LAMP1: variants seen among roughly 807,000 people sequenced by gnomAD.
LAMP1 encodes lysosome associated membrane protein 1.
A neutral mutation model predicts 37.5 loss-of-function variants in LAMP1; 7 were observed. The ratio of observed to expected loss-of-function variants is 0.19; its 90% confidence interval spans 0.11 to 0.35. The LOEUF (loss-of-function observed/expected upper bound fraction) is 0.35, where lower values mean the gene tolerates loss of function less well. LAMP1 is among the 10% of genes least tolerant of loss of function. The pLI is 1.00. For synonymous variants in LAMP1, 236 were observed against 229.1 expected (o/e 1.03, Z -0.27); for missense variants, 537 against 552.8 (o/e 0.97, Z 0.29).
At position 113,320,331 on chromosome 13, in the gene LAMP1, C is replaced by T. The variant is rs756638716; in HGVS notation, c.751-14C>T. 1.9e-6 allele frequency: 3 copies of T among 1,614,078 alleles called. No homozygotes were observed. The highest frequency in any genetic ancestry group is 2.2e-5 in the East Asian group (1 of 44,884). On this transcript the variant is annotated splice_polypyrimidine_tract_variant and intron_variant, in intron 5 of 8. Transcript: ENST00000332556. This position sits in a 1 kb window ranked among gnomAD's most constrained non-coding sequence, Gnocchi z 4.4. ...CTGAGCTAGGGTGGTGACTTGCTTG[C>T]TTGTCTTATGCAGACGGTGACAAGG...
chr13:113,311,757 A>G (rs938429579), intron 4 of LAMP1, among the ~76,000 whole-genome samples: 7 of 152,192 alleles, frequency 4.6e-5, no homozygotes, highest in South Asian at 2.1e-4. Context: ...CCTGTCTTCA[A>G]AGGTTGTTGG....
Position 113,322,704 on chromosome 13 carries a change from GCCGC to G in LAMP1, c.*284_*287del, listed in dbSNP as rs2042709832. On this transcript the variant is annotated 3_prime_UTR_variant, in exon 9 of 9. Transcript: ENST00000332556. ...GTGCTCTCTCTGAGGGGGTGGGGGT[GCCGC>G]TGTCTCTGAGGGGTGGGGGTGCCGC... 8.3e-6 allele frequency: 1 copy of G among 119,906 alleles called. No homozygotes were observed. The highest frequency in any genetic ancestry group is 3.5e-5 in the African/African-American group (1 of 28,800). The allele number at this position is 119,906 out of a possible 1,614,324, so 7.4% of individuals were successfully genotyped here.
At chr13:113,306,204 G>A (rs2042597388) in intron 1 of LAMP1, 2 of 245,248 alleles carry the variant, frequency 8.2e-6, no homozygotes. Flanking sequence ...ACTAAAAACA[G>A]AAATTAGCTG....
chr13:113,320,938 A>G lies in LAMP1; in HGVS notation c.877-466A>G, dbSNP rs2042695565. Reference sequence around the variant, plus strand: ...TTTCCTGTGCTGTGATAGCTCCTGCAGTCCCCGTTTTCCAGAGACTGACTC... The same window carrying G: ...TTTCCTGTGCTGTGATAGCTCCTGCGGTCCCCGTTTTCCAGAGACTGACTC... On this transcript the variant is annotated intron_variant, in intron 6 of 8. Transcript: ENST00000332556. The surrounding 1 kb of genome is among the most constrained non-coding windows in gnomAD (Gnocchi z 4.4). 4.5e-6 allele frequency: 1 copy of G among 222,612 alleles called. No homozygotes were observed. Among genetic ancestry groups the G allele is most frequent in the Admixed American group, 5.2e-5 (1 of 19,200 alleles). 13.8% of individuals were successfully genotyped at this position (222,612 alleles called of 1,614,324 possible). A position where few individuals can be genotyped will look rare whatever the true frequency, so the allele number is the denominator to read the frequency against.
At chr13:113,313,672 G>T (rs962481953) in intron 4 of LAMP1, among the ~76,000 whole-genome samples, 3 of 142,814 alleles carry the variant, frequency 2.1e-5, no homozygotes, top group African/African-American at 8.2e-5. Context: ...GGAGATGCCC[G>T]TGTGCCTGGG....
intron 1 of LAMP1, among the ~76,000 whole-genome samples, chr13:113,301,640 AAAAAAT>A (rs2042573260): frequency 1.3e-5 from 1 of 75,102 alleles, no homozygotes; most frequent in African/African-American, 8.3e-5. Flanking sequence ...AAAAAAAAAA[AAAAAAT>A]ATATATATAT....
intron 5 of LAMP1, 96 bp downstream of exon 5, chr13:113,319,752 G>A (rs752826527): frequency 7.4e-6 from 9 of 1,208,236 alleles, no homozygotes; most frequent in Non-Finnish European, 1.1e-5. Context: ...TGCACGTCAT[G>A]CTGTTAAGTC....
rs2042627013 is a variant in LAMP1 at position 113,310,826 on chromosome 13, C to T, written c.521C>T (p.Thr174Ile). 1.2e-6 allele frequency: 2 copies of T among 1,613,834 alleles called. No individual in the cohort carries two copies. The highest frequency in any genetic ancestry group is 1.1e-5 in the South Asian group (1 of 91,046). The change falls in exon 4 of 9, where the codon ACC becomes ATC. Residue 174 changes from threonine to isoleucine, a missense_variant. Coordinates refer to ENST00000332556, the MANE Select transcript of LAMP1 (RefSeq NM_005561.4). ...NNVTVTLHDA[T>I]IQAYLSNSSF... Reference sequence around the variant, plus strand: ...GTGACCGTAACGCTCCATGATGCCACCATCCAGGCGTACCTTTCCAACAGC... The same window carrying T: ...GTGACCGTAACGCTCCATGATGCCATCATCCAGGCGTACCTTTCCAACAGC...
chr13:113,300,799 G>A (rs1291273587), intron 1 of LAMP1, among the ~76,000 whole-genome samples: 4 of 152,154 alleles, frequency 2.6e-5, no homozygotes, highest in African/African-American at 4.8e-5. Context: ...GGGCAACAGA[G>A]CGAGACTCCA....
Position 113,310,951 on chromosome 13 carries a change from T to G in LAMP1, c.562+84T>G, listed in dbSNP as rs1006274004. 9 of 1,180,730 alleles carry G rather than the reference T, an allele frequency of 7.6e-6. No homozygotes were observed. The South Asian group carries it at 9.7e-5, about 13-fold the overall frequency. The allele number at this position is 1,180,730 out of a possible 1,614,324, so 73.1% of individuals were successfully genotyped here. On this transcript the variant is annotated intron_variant, in intron 4 of 8. Transcript: ENST00000332556. ...CTGCGGGTGACCTCACTGCTCTGTG[T>G]CCTGGTGCTGGGCTCTGCCTGGAAC...
rs576101199 is a variant in LAMP1, at chr13:113,311,556, C to T, written c.562+689C>T. Among the ~76,000 whole-genome samples, 481 of 152,294 alleles carry T rather than the reference C, an allele frequency of 3.2e-3. 1 individual carries two copies. The highest frequency in any genetic ancestry group is 5.1e-3 in the Non-Finnish European group (345 of 68,024). ...AGTCTTATCTCCATCCAGCTCTGGCCGGCCAGCTTAGGGACAGGTGCAGAA... is the reference window on the plus strand; with the variant it reads ...AGTCTTATCTCCATCCAGCTCTGGCTGGCCAGCTTAGGGACAGGTGCAGAA... On this transcript the variant is annotated intron_variant, in intron 4 of 8. Coordinates refer to ENST00000332556, the MANE Select transcript of LAMP1 (RefSeq NM_005561.4).
chr13:113,301,524 G>T (rs1050748643), intron 1 of LAMP1, among the ~76,000 whole-genome samples: 1 of 151,356 alleles, frequency 6.6e-6, no homozygotes, highest in Non-Finnish European at 1.5e-5. Flanking sequence ...TTGGAAGGCT[G>T]AGGTAGGAGA....
At chr13:113,306,767 C>T (rs974744720) in intron 2 of LAMP1, among the ~76,000 whole-genome samples, 161 bp downstream of exon 2, 1 of 151,264 alleles carries the variant, frequency 6.6e-6, no homozygotes, top group African/African-American at 2.4e-5. Context: ...TGTCATGTGC[C>T]ATAGCCACAG....
rs941886461 is a variant in LAMP1, at chr13:113,323,312, A to C, written c.*891A>C. ...GGGGTGATCCTGTTCTGCGCTGTGT[A>C]CAATGTGAGATCGGTGCGTTCTCCT... On this transcript the variant is annotated 3_prime_UTR_variant, in exon 9 of 9. Transcript: ENST00000332556. 6.6e-6 allele frequency: 1 copy of C among 152,014 alleles called. No individual in the cohort carries two copies. The highest frequency in any genetic ancestry group is 1.5e-5 in the Non-Finnish European group (1 of 68,024). The allele number at this position is 152,014 out of a possible 1,614,324, so 9.4% of individuals were successfully genotyped here. A position where few individuals can be genotyped will look rare whatever the true frequency, so the allele number is the denominator to read the frequency against.
chr13:113,300,043 A>G (rs2042562487), intron 1 of LAMP1, among the ~76,000 whole-genome samples: 1 of 152,242 alleles, frequency 6.6e-6, no homozygotes, highest in Non-Finnish European at 1.5e-5. Flanking sequence ...TTGAATACTT[A>G]GAAAGCTCAA....
chr13:113,301,642 AAAATATAT>A (rs1353180398), intron 1 of LAMP1, among the ~76,000 whole-genome samples: 1 of 37,504 alleles, frequency 2.7e-5, no homozygotes, highest in African/African-American at 1.7e-4. Context: ...AAAAAAAAAA[AAAATATAT>A]ATATATATAT....
chr13:113,307,401 G>T (rs955099829), intron 2 of LAMP1, among the ~76,000 whole-genome samples: 1 of 149,254 alleles, frequency 6.7e-6, no homozygotes, highest in African/African-American at 2.5e-5. Context: ...CAAGTGATCT[G>T]CCTGCCTTGG....
rs761898603 is a variant in LAMP1, at chr13:113,319,583, G to A, written c.677G>A (p.Gly226Asp). 1.2e-6 allele frequency: 2 copies of A among 1,613,902 alleles called. No individual in the cohort carries two copies. The highest frequency in any genetic ancestry group is 1.1e-5 in the South Asian group (1 of 91,078). The change falls in exon 5 of 9, where the codon GGC becomes GAC. Residue 226 changes from glycine to aspartate, a missense_variant. Physicochemically the swap from Gly to Asp is moderately conservative, Grantham distance 94. Transcript: ENST00000332556. ...TCTGTGGACAAGTACAACGTGAGCG[G>A]CACCAACGGGACCTGCCTGCTGGCC... Reference protein sequence around the residue: ...SPSVDKYNVSGTNGTCLLASM... With the variant: ...SPSVDKYNVSDTNGTCLLASM...
At chr13:113,315,980 G>A (rs1301699515) in intron 4 of LAMP1, among the ~76,000 whole-genome samples, 2 of 152,146 alleles carry the variant, frequency 1.3e-5, no homozygotes, top group African/African-American at 4.8e-5. Flanking sequence ...GCAGGTGCCT[G>A]TAGTCCCCCC....
Sources: gnomAD v4.1 joint callset for allele counts (sites outside exome capture counted in the v4.1 genomes callset) on GRCh38, gnomAD v4.1.1 for gene constraint, Gnocchi (gnomAD v3.1) non-coding constraint, MANE v1.5 for transcripts, NCBI Gene and HGNC (gene_info 2026-07-23, HGNC 2026-07-21) for gene names.